The following ANKRD62 variants were observed in gnomAD, a reference collection of about 807,000 sequenced individuals.
The protein encoded by ANKRD62 is ankyrin repeat domain-containing protein 62.
A neutral mutation model predicts 98.8 loss-of-function variants in ANKRD62; 61 were observed. The ratio of observed to expected loss-of-function variants is 0.62; its 90% CI spans 0.50 to 0.76. The LOEUF (loss-of-function observed/expected upper bound fraction) is 0.76, where lower values mean the gene tolerates loss of function less well. ANKRD62 is among the 30% of genes least tolerant of loss of function. The pLI is 0.00. For synonymous variants in ANKRD62, 341 were observed against 367.9 expected (o/e 0.93, Z 0.84); for missense variants, 933 against 1,082.9 (o/e 0.86, Z 1.94).
At chr18:12,167,640 C>T in the ANKRD62 span, among the ~76,000 whole-genome samples, 8 of 152,160 alleles carry the variant, frequency 5.3e-5, no homozygotes, top group South Asian at 2.1e-4. Flanking sequence ...TAATCCTTTG[C>T]GTATATACCC....
chr18:12,097,716 T>C lies in ANKRD62; in HGVS notation c.691T>C (p.Phe231Leu). The change falls in exon 5 of 14, where the codon TTT becomes CTT. Residue 231 changes from phenylalanine (F) to leucine (L), a missense_variant. Phe to Leu is a conservative substitution (Grantham distance 22). This residue lies in a region of ANKRD62 where 549 missense variants were observed against 587.9 expected (regional missense o/e 0.93). Transcript: ENST00000587848. Reference sequence around the variant, plus strand: ...GCTTCTTCAGCACAATATTGATGTCTTTTGCCAAGATATATCTGGATGGAC... The same window carrying C: ...GCTTCTTCAGCACAATATTGATGTCCTTTGCCAAGATATATCTGGATGGAC... ...YQLLQHNIDV[F>L]CQDISGWTAE... 9.8e-6 allele frequency: 15 copies of C among 1,536,102 alleles called. No individual in the cohort carries two copies. Among genetic ancestry groups the C allele is most frequent in the Non-Finnish European group, 1.2e-5 (14 of 1,146,810 alleles).
At chr18:12,161,988 T>A in the ANKRD62 span, among the ~76,000 whole-genome samples, 36 of 152,274 alleles carry the variant, frequency 2.4e-4, no homozygotes, top group African/African-American at 8.2e-4. Context: ...GCAACAAACA[T>A]GGGAATGCAG....
intron 6 of ANKRD62, chr18:12,101,946 G>A: frequency 1.2e-6 from 1 of 852,070 alleles, no homozygotes; most frequent in Non-Finnish European, 2.0e-6. Flanking sequence ...CAAAGCAGAG[G>A]CAAAGAGGCA....
chr18:12,178,860 T>G, the ANKRD62 span, among the ~76,000 whole-genome samples: 1 of 119,820 alleles, frequency 8.3e-6, no homozygotes, highest in Admixed American at 9.3e-5. Flanking sequence ...ATGACCAGCA[T>G]AGAGATAGAG....
rs1283882321 is a variant in ANKRD62 at position 12,128,648 on chromosome 18, A to G, written c.*709A>G. The G allele has an allele frequency of 1.3e-5, 2 of 152,360 alleles. No homozygotes were observed. The highest frequency in any genetic ancestry group is 3.9e-4 in the East Asian group (2 of 5,194). The allele number at this position is 152,360 out of a possible 1,614,324, so 9.4% of individuals were successfully genotyped here. On this transcript the variant is annotated 3_prime_UTR_variant, in exon 14 of 14. Coordinates refer to ENST00000587848, the MANE Select transcript of ANKRD62 (RefSeq NM_001277333.2). ...GACACTTTTAAATAAATTATCTCCT[A>G]ATGATGACATGAGCCCTGCCACTCG...
chr18:12,128,941 C>T lies in ANKRD62; in HGVS notation c.*1002C>T, dbSNP rs1455686807. The stretch of plus-strand genomic sequence containing the variant: ...AGCTGGGCATGGTGGTGGTGCACGC[C>T]TGTAGTCCCAGCTCCTCGGGACGCT... On this transcript the variant is annotated 3_prime_UTR_variant, in exon 14 of 14. Coordinates refer to ENST00000587848, the MANE Select transcript of ANKRD62 (RefSeq NM_001277333.2). 6.6e-6 allele frequency: 1 copy of T among 152,068 alleles called. No individual in the cohort carries two copies. Among genetic ancestry groups the T allele is most frequent in the Non-Finnish European group, 1.5e-5 (1 of 68,064 alleles). The allele number at this position is 152,068 out of a possible 1,614,324, so 9.4% of individuals were successfully genotyped here. A position where few individuals can be genotyped will look rare whatever the true frequency, so the allele number is the denominator to read the frequency against.
the ANKRD62 span, among the ~76,000 whole-genome samples, chr18:12,172,507 C>T: frequency 3.3e-5 from 5 of 152,146 alleles, no homozygotes; most frequent in African/African-American, 1.2e-4. Context: ...AGAGGGCCAC[C>T]CTGCCATATG....
rs1324592647 is a variant in ANKRD62, at chr18:12,128,808, C to G, written c.*869C>G. On this transcript the variant is annotated 3_prime_UTR_variant, in exon 14 of 14. Transcript: ENST00000587848. ...GGCGCGGTGGCTCACGCCTGTGATC[C>G]AAGCACTTTGGGAGGCTGAAACGGG... 1 of 152,186 alleles carries G rather than the reference C, an allele frequency of 6.6e-6. No homozygotes were observed. The highest frequency in any genetic ancestry group is 1.5e-5 in the Non-Finnish European group (1 of 68,050). The allele number at this position is 152,186 out of a possible 1,614,324, so 9.4% of individuals were successfully genotyped here.
intron 8 of ANKRD62, among the ~76,000 whole-genome samples, chr18:12,108,914 C>T (rs1310076450): frequency 6.6e-6 from 1 of 152,240 alleles, no homozygotes; most frequent in African/African-American, 2.4e-5. Context: ...CCAGGGCACA[C>T]TGATGCAAAA....
At chr18:12,145,074 C>T in the ANKRD62 span, among the ~76,000 whole-genome samples, 7 of 151,634 alleles carry the variant, frequency 4.6e-5, no homozygotes, top group East Asian at 1.9e-4. Flanking sequence ...ACCCAGGAGG[C>T]GGAGGTTGTG....
At chr18:12,168,349 A>T in the ANKRD62 span, among the ~76,000 whole-genome samples, 3 of 152,122 alleles carry the variant, frequency 2.0e-5, no homozygotes, top group Admixed American at 6.6e-5. Flanking sequence ...AGCTTTCTAC[A>T]TATGGCTAGC....
At chr18:12,137,857 T>C in the ANKRD62 span, among the ~76,000 whole-genome samples, 21 of 152,234 alleles carry the variant, frequency 1.4e-4, no homozygotes, top group Admixed American at 1.2e-3. Flanking sequence ...TATTCTCTGA[T>C]GGTAGTTTGT....
intron 10 of ANKRD62, among the ~76,000 whole-genome samples, chr18:12,118,846 GT>G (rs71172052): frequency 0.24 from 36,616 of 151,828 alleles, 4,646 homozygotes; most frequent in Middle Eastern, 0.34. Flanking sequence ...TCATGAGGGA[GT>G]TTTTTTTATT....
the ANKRD62 span, among the ~76,000 whole-genome samples, chr18:12,177,233 G>C: frequency 1.8e-4 from 28 of 152,092 alleles, no homozygotes; most frequent in African/African-American, 6.5e-4. Context: ...AGAACCTTCT[G>C]TGGGGAGAGT....
At chr18:12,163,925 G>A in the ANKRD62 span, among the ~76,000 whole-genome samples, 1 of 151,756 alleles carries the variant, frequency 6.6e-6, no homozygotes, top group Non-Finnish European at 1.5e-5. Context: ...CTAATAGTTT[G>A]TTAAATTTTT....
At chr18:12,139,876 G>C in the ANKRD62 span, among the ~76,000 whole-genome samples, 1 of 152,150 alleles carries the variant, frequency 6.6e-6, no homozygotes, top group African/African-American at 2.4e-5. Flanking sequence ...TGTATTTCCT[G>C]AATTTTAATG....
the ANKRD62 span, among the ~76,000 whole-genome samples, chr18:12,141,278 A>C: frequency 2.6e-5 from 4 of 152,184 alleles, no homozygotes; most frequent in African/African-American, 9.7e-5. Context: ...TAGGAAAGGG[A>C]ATTCCCTGAC....
chr18:12,127,925 A>G lies in ANKRD62; in HGVS notation c.2740A>G (p.Thr914Ala). 1 of 1,483,698 alleles carries G rather than the reference A, an allele frequency of 6.7e-7. No individual in the cohort carries two copies. The highest frequency in any genetic ancestry group is 8.9e-7 in the Non-Finnish European group (1 of 1,124,842). 91.9% of individuals were successfully genotyped at this position (1,483,698 alleles called of 1,614,324 possible). A position where few individuals can be genotyped will look rare whatever the true frequency, so the allele number is the denominator to read the frequency against. The change falls in exon 14 of 14, where the codon ACA (threonine) becomes GCA (alanine). Residue 914 changes from threonine (T) to alanine (A), a missense_variant. Around this residue, in one of 3 missense-constraint regions of ANKRD62, gnomAD observed 362 missense variants for 434.5 expected, o/e 0.83. Transcript: ENST00000587848. The part of the protein sequence containing the change: ...SQVCMKLSMS[T>A]VTL ...AGTATGTATGAAACTTAGCATGTCA[A>G]CAGTTACTCTGTAGCTGGTTAAATA...
At chr18:12,108,027 A>G (rs1206976316) in intron 8 of ANKRD62, among the ~76,000 whole-genome samples, 1 of 152,216 alleles carries the variant, frequency 6.6e-6, no homozygotes, top group African/African-American at 2.4e-5. Context: ...GCATTGTCAT[A>G]TCAAAATGTT....
Sources: allele counts gnomAD v4.1 joint callset (sites outside exome capture counted in the v4.1 genomes callset), GRCh38; gene constraint gnomAD v4.1.1; regional missense constraint gnomAD v4.1.1; transcripts MANE v1.5; gene names NCBI Gene and HGNC (gene_info 2026-07-23, HGNC 2026-07-21).